Variants in ST8SIA5 observed in about 807,000 individuals in gnomAD.
The protein encoded by ST8SIA5 is alpha-2,8-sialyltransferase 8E.
In ST8SIA5, 24 loss-of-function variants were observed where a neutral mutation model predicts 40.2. That is an observed-to-expected ratio of 0.60 (90% confidence interval 0.43 to 0.84). The LOEUF is 0.84. Ranked by LOEUF, ST8SIA5 falls within the 40% of genes least tolerant of loss-of-function variation. The probability of loss-of-function intolerance (pLI) is 0.00; values close to 1 mark genes in which losing one functional copy is unlikely to be tolerated. For missense variants in ST8SIA5, 465 were observed against 498.5 expected (o/e 0.93, Z 0.64); for synonymous variants, 198 against 201.8 (o/e 0.98, Z 0.16).
At chr18:46,698,753 A>C (rs936430237) in intron 2 of ST8SIA5, among the ~76,000 whole-genome samples, 3 of 152,234 alleles carry the variant, frequency 2.0e-5, no homozygotes, top group Non-Finnish European at 4.4e-5. Context: ...AGGCAGAGAA[A>C]AGAAGCCCCA....
intron 1 of ST8SIA5, among the ~76,000 whole-genome samples, chr18:46,733,619 T>C (rs2040005664): frequency 6.6e-6 from 1 of 151,102 alleles, no homozygotes; most frequent in Admixed American, 6.6e-5. Flanking sequence ...GAAAGGGGGA[T>C]AAGGGGCTTG....
At chr18:46,729,863 GT>G (rs201837625) in intron 1 of ST8SIA5, among the ~76,000 whole-genome samples, 192 of 117,398 alleles carry the variant, frequency 1.6e-3, no homozygotes, top group Admixed American at 0.014. Context: ...CACAGGTGGG[GT>G]CCTCGGAAGA....
chr18:46,736,427 G>A (rs2040035172), intron 1 of ST8SIA5, among the ~76,000 whole-genome samples: 2 of 152,208 alleles, frequency 1.3e-5, no homozygotes, highest in Admixed American at 1.3e-4. Flanking sequence ...GGGGGTAGGG[G>A]CACATAGATG....
At chr18:46,729,042 G>A (rs1839053765) in intron 1 of ST8SIA5, among the ~76,000 whole-genome samples, 1 of 152,056 alleles carries the variant, frequency 6.6e-6, no homozygotes, top group Non-Finnish European at 1.5e-5. Flanking sequence ...CCACTATTGT[G>A]CTCCCACAAT....
In ST8SIA5 at chr18:46,680,393, G is replaced by C. The variant is rs1252461697; in HGVS notation, c.780C>G (p.Arg260=). Residue 260 remains arginine, a synonymous_variant, in exon 7 of 7, where the codon CGC becomes CGG. Transcript: ENST00000315087. Reference sequence around the variant, plus strand: ...CGAAGTCGTCCAGCACGTACTTGACGCGGATGGACACGTCGGTGTTGCGCG... The same window carrying C: ...CGAAGTCGTCCAGCACGTACTTGACCCGGATGGACACGTCGGTGTTGCGCG... ...YNTRNTDVSI[R]VKYVLDDFES... 1 of 1,613,916 alleles carries C rather than the reference G, an allele frequency of 6.2e-7. No homozygotes were observed. Among genetic ancestry groups the C allele is most frequent in the Non-Finnish European group, 8.5e-7 (1 of 1,179,910 alleles).
chr18:46,703,042 G>A (rs2039633323), intron 2 of ST8SIA5, among the ~76,000 whole-genome samples: 1 of 152,248 alleles, frequency 6.6e-6, no homozygotes, highest in Non-Finnish European at 1.5e-5. Context: ...AAAAAGGAAA[G>A]GAAGGAAGGA....
At chr18:46,698,170 T>C (rs774955302) in intron 2 of ST8SIA5, among the ~76,000 whole-genome samples, 2 of 123,506 alleles carry the variant, frequency 1.6e-5, no homozygotes, top group African/African-American at 6.5e-5. Context: ...ACACCAACAA[T>C]CACAACAATA....
intron 2 of ST8SIA5, among the ~76,000 whole-genome samples, chr18:46,696,252 C>T (rs1284734316): frequency 6.6e-6 from 1 of 152,178 alleles, no homozygotes; most frequent in African/African-American, 2.4e-5. Flanking sequence ...CTCTCAGGAC[C>T]TCACAGGGTA....
intron 1 of ST8SIA5, among the ~76,000 whole-genome samples, chr18:46,732,763 C>T (rs4890339): frequency 0.88 from 133,187 of 152,154 alleles, 58,444 homozygotes; most frequent in East Asian, 1. Flanking sequence ...GCTCGGTTTT[C>T]TTATCTTCAA....
intron 1 of ST8SIA5, among the ~76,000 whole-genome samples, chr18:46,728,815 A>G (rs1224392317): frequency 1.3e-5 from 2 of 152,102 alleles, no homozygotes; most frequent in East Asian, 1.9e-4. Flanking sequence ...TGCTTCCTAG[A>G]TGGTCTCCTA....
At chr18:46,751,356 G>A (rs2040193627) in intron 1 of ST8SIA5, among the ~76,000 whole-genome samples, 1 of 140,070 alleles carries the variant, frequency 7.1e-6, no homozygotes, top group Non-Finnish European at 1.5e-5. Flanking sequence ...TAAGGAAGTA[G>A]AATGGATTTA....
intron 1 of ST8SIA5, among the ~76,000 whole-genome samples, chr18:46,751,148 GC>G (rs1019804004): frequency 3.3e-5 from 5 of 151,898 alleles, no homozygotes; most frequent in Non-Finnish European, 7.4e-5. Flanking sequence ...CCCACACCCA[GC>G]CCCCAGGAAC....
At chr18:46,697,755 G>T (rs1204297877) in intron 2 of ST8SIA5, among the ~76,000 whole-genome samples, 2 of 152,018 alleles carry the variant, frequency 1.3e-5, no homozygotes, top group Admixed American at 6.6e-5. Flanking sequence ...AGAAGTATAG[G>T]ATTATTAGAT....
intron 6 of ST8SIA5, among the ~76,000 whole-genome samples, chr18:46,681,507 G>A (rs2039396119): frequency 1.3e-5 from 2 of 152,172 alleles, no homozygotes; most frequent in Non-Finnish European, 1.5e-5. Flanking sequence ...ACCCCAGGAG[G>A]GGAGCCAGGA....
intron 1 of ST8SIA5, among the ~76,000 whole-genome samples, chr18:46,739,964 C>G (rs1279444662): frequency 6.6e-6 from 1 of 152,156 alleles, no homozygotes; most frequent in Non-Finnish European, 1.5e-5. Context: ...GAGGCTTTCT[C>G]TGGAACTGTA....
chr18:46,721,254 A>G, intron 1 of ST8SIA5: 1 of 1,014,610 alleles, frequency 9.9e-7, no homozygotes, highest in Non-Finnish European at 1.5e-6. Context: ...GAGCCACCAG[A>G]ACAAGACCTG....
intron 2 of ST8SIA5, among the ~76,000 whole-genome samples, chr18:46,694,264 A>G (rs1035577408): frequency 6.6e-6 from 1 of 152,160 alleles, no homozygotes; most frequent in Non-Finnish European, 1.5e-5. Flanking sequence ...TCCTATGGTC[A>G]AATATAGTTG....
intron 5 of ST8SIA5, among the ~76,000 whole-genome samples, chr18:46,684,400 A>G (rs929007320): frequency 6.6e-6 from 1 of 152,246 alleles, no homozygotes; most frequent in African/African-American, 2.4e-5. Flanking sequence ...CCTTATAATA[A>G]AACTTAGTAT....
rs562653506 is a variant in ST8SIA5 at position 46,711,868 on chromosome 18, T to C, written c.132-7204A>G. On this transcript the variant is annotated intron_variant, in intron 1 of 6. Coordinates refer to ENST00000315087, the MANE Select transcript of ST8SIA5 (RefSeq NM_013305.6). The stretch of plus-strand genomic sequence containing the variant: ...TTCACCTGCCCTCTTTGGGCCACAG[T>C]TCACTCATCTGTCCCCAGGAATTAT... Among the ~76,000 whole-genome samples, 14 of 152,310 alleles carry C rather than the reference T, an allele frequency of 9.2e-5. No individual in the cohort carries two copies. The East Asian group carries it at 2.7e-3, about 29-fold the overall frequency.
Sources: allele counts gnomAD v4.1 joint callset (sites outside exome capture counted in the v4.1 genomes callset), GRCh38; gene constraint gnomAD v4.1.1; transcripts MANE v1.5; gene names NCBI Gene and HGNC (gene_info 2026-07-23, HGNC 2026-07-21).